The following GRM7 variants were observed in gnomAD, a reference collection of about 807,000 sequenced individuals.
GRM7 encodes glutamate metabotropic receptor 7.
GRM7 carries 35 observed loss-of-function variants against 84.5 expected under a neutral mutation model. That is an observed-to-expected ratio of 0.41 (90% confidence interval 0.32 to 0.55). GRM7 has a LOEUF of 0.55. Ranked by LOEUF, GRM7 falls within the 20% of genes least tolerant of loss-of-function variation. GRM7 has a pLI of 0.19. For synonymous variants in GRM7, 487 were observed against 455.1 expected (o/e 1.07, Z -0.89); for missense variants, 1,003 against 1,194.6 (o/e 0.84, Z 2.36).
At chr3:6,945,212 C>T (rs1174296410) in intron 1 of GRM7, among the ~76,000 whole-genome samples, 6 of 150,740 alleles carry the variant, frequency 4.0e-5, no homozygotes, top group African/African-American at 1.2e-4. Context: ...TCCCTCCCGC[C>T]TCCCCCCACC....
chr3:7,312,895 A>G (rs1047865234), intron 4 of GRM7, among the ~76,000 whole-genome samples: 1 of 151,428 alleles, frequency 6.6e-6, no homozygotes, highest in African/African-American at 2.4e-5. Flanking sequence ...CCCTTCTCAC[A>G]TGAGAAACTC....
chr3:7,335,094 A>T (rs1278789709), intron 4 of GRM7, among the ~76,000 whole-genome samples: 1 of 152,190 alleles, frequency 6.6e-6, no homozygotes, highest in Non-Finnish European at 1.5e-5. Flanking sequence ...ATTCTACTCA[A>T]CAACTATAGA....
intron 7 of GRM7, among the ~76,000 whole-genome samples, chr3:7,465,952 A>G (rs529374095): frequency 6.6e-5 from 10 of 152,316 alleles, no homozygotes; most frequent in African/African-American, 2.4e-4. Context: ...TCTGTGGCCC[A>G]AGAGATGACT....
chr3:7,417,114 T>C (rs1467480541), intron 5 of GRM7, among the ~76,000 whole-genome samples: 2 of 152,180 alleles, frequency 1.3e-5, no homozygotes, highest in Non-Finnish European at 2.9e-5. Context: ...AAGGTCATTA[T>C]GCAAGCCTCT....
At chr3:7,102,040 T>C (rs1435830622) in intron 1 of GRM7, among the ~76,000 whole-genome samples, 1 of 151,624 alleles carries the variant, frequency 6.6e-6, no homozygotes, top group East Asian at 1.9e-4. Flanking sequence ...ATACATCCCA[T>C]AATATAATGT....
intron 1 of GRM7, among the ~76,000 whole-genome samples, chr3:6,965,964 TCCCTGTCACCAACA>T (rs1312817056): frequency 2.8e-4 from 42 of 152,238 alleles, no homozygotes; most frequent in Non-Finnish European, 1.5e-4. Flanking sequence ...GTTTTGGTCA[TCCCTGTCACCAACA>T]CCCTATCCTT....
At chr3:7,718,342 T>C (rs1020772122) in intron 9 of GRM7, among the ~76,000 whole-genome samples, 2 of 152,154 alleles carry the variant, frequency 1.3e-5, no homozygotes, top group Non-Finnish European at 2.9e-5. Flanking sequence ...ATCCCATTCT[T>C]CCTTCCCCTG....
chr3:6,926,488 ACTTT>A (rs1437642464), intron 1 of GRM7, among the ~76,000 whole-genome samples: 9 of 152,330 alleles, frequency 5.9e-5, no homozygotes, highest in African/African-American at 1.9e-4. Context: ...GCCCACAGAT[ACTTT>A]CTTTCTACCC....
At chr3:7,091,461 T>C (rs528343053) in intron 1 of GRM7, among the ~76,000 whole-genome samples, 1 of 152,182 alleles carries the variant, frequency 6.6e-6, no homozygotes, top group South Asian at 2.1e-4. Context: ...CATTATGAAG[T>C]GCCTCCTGGT....
At chr3:7,364,034 T>C (rs562225171) in intron 4 of GRM7, among the ~76,000 whole-genome samples, 1 of 152,074 alleles carries the variant, frequency 6.6e-6, no homozygotes, top group Non-Finnish European at 1.5e-5. Context: ...GTATATCCTG[T>C]AAACTGTGCC....
chr3:7,069,109 G>C (rs949155036), intron 1 of GRM7, among the ~76,000 whole-genome samples: 1 of 151,366 alleles, frequency 6.6e-6, no homozygotes, highest in African/African-American at 2.4e-5. Flanking sequence ...CAAGAAAAAA[G>C]AGCATAGTCA....
chr3:7,714,180 T>A (rs1192567192), intron 9 of GRM7, among the ~76,000 whole-genome samples: 1 of 152,194 alleles, frequency 6.6e-6, no homozygotes, highest in Admixed American at 6.5e-5. Flanking sequence ...GGAATTAACC[T>A]GAAGGCTTTA....
chr3:7,508,235 A>T (rs1700094094), intron 7 of GRM7, among the ~76,000 whole-genome samples: 1 of 152,128 alleles, frequency 6.6e-6, no homozygotes, highest in Non-Finnish European at 1.5e-5. Flanking sequence ...ATACCATTAG[A>T]GGTGAAAATC....
At chr3:7,320,316 T>C (rs1700730730) in intron 4 of GRM7, among the ~76,000 whole-genome samples, 1 of 152,022 alleles carries the variant, frequency 6.6e-6, no homozygotes, top group South Asian at 2.1e-4. Flanking sequence ...CACACAAGCC[T>C]TTAGCGATGA....
intron 2 of GRM7, among the ~76,000 whole-genome samples, chr3:7,253,480 G>A (rs2124943901): frequency 6.6e-6 from 1 of 152,088 alleles, no homozygotes; most frequent in East Asian, 1.9e-4. Flanking sequence ...AGCCAGGCAT[G>A]GTGGTGGGTG....
chr3:7,683,256 C>T (rs1015781217), intron 9 of GRM7, among the ~76,000 whole-genome samples: 1 of 152,114 alleles, frequency 6.6e-6, no homozygotes, highest in Non-Finnish European at 1.5e-5. Context: ...CAGGTAGAGG[C>T]CTCATTTGAT....
intron 4 of GRM7, among the ~76,000 whole-genome samples, chr3:7,401,816 G>A (rs1283394986): frequency 1.3e-5 from 2 of 152,052 alleles, no homozygotes; most frequent in African/African-American, 2.4e-5. Flanking sequence ...CTTGAGAACA[G>A]GATCCATATC....
chr3:7,520,491 A>C (rs1474878854), intron 7 of GRM7, among the ~76,000 whole-genome samples: 2 of 140,538 alleles, frequency 1.4e-5, no homozygotes, highest in African/African-American at 5.2e-5. Context: ...AATTCAAATG[A>C]CTCTCTAGAC....
At chr3:7,350,176 T>C (rs181701856) in intron 4 of GRM7, among the ~76,000 whole-genome samples, 1 of 152,274 alleles carries the variant, frequency 6.6e-6, no homozygotes, top group African/African-American at 2.4e-5. Flanking sequence ...TCTCCACATA[T>C]ATGACCATAT....
Sources: gnomAD v4.1 joint callset for allele counts (sites outside exome capture counted in the v4.1 genomes callset) on GRCh38, gnomAD v4.1.1 for gene constraint, MANE v1.5 for transcripts, NCBI Gene and HGNC (gene_info 2026-07-23, HGNC 2026-07-21) for gene names.